JMJD1C: variants seen among roughly 807,000 people sequenced by gnomAD.
JMJD1C encodes the protein jumonji domain-containing protein 1C.
JMJD1C carries 31 observed loss-of-function variants against 245.3 expected under a neutral mutation model. That is an observed-to-expected ratio of 0.13 (90% CI 0.09 to 0.17). JMJD1C has a LOEUF of 0.17. Ranked by LOEUF, JMJD1C falls within the 10% of genes least tolerant of loss-of-function variation. The probability of loss-of-function intolerance (pLI) is 1.00; values close to 1 mark genes in which losing one functional copy is unlikely to be tolerated. For synonymous variants in JMJD1C, 1,057 were observed against 1,017.4 expected (o/e 1.04, Z -0.74); for missense variants, 2,691 against 3,000.2 (o/e 0.90, Z 2.41).
At chr10:63,237,893 A>G (rs1032231502) in intron 3 of JMJD1C, among the ~76,000 whole-genome samples, 8 of 151,268 alleles carry the variant, frequency 5.3e-5, no homozygotes, top group African/African-American at 1.7e-4. Flanking sequence ...AAAGGCGGCC[A>G]GGCACAGTGG....
chr10:63,494,477 T>A (rs554970419), intron 1 of JMJD1C, among the ~76,000 whole-genome samples: 3 of 152,184 alleles, frequency 2.0e-5, no homozygotes, highest in African/African-American at 4.8e-5. Flanking sequence ...AACTTCTTTT[T>A]ATATTATGGG....
intron 1 of JMJD1C, among the ~76,000 whole-genome samples, chr10:63,472,779 A>G (rs10733792): frequency 0.42 from 64,016 of 152,018 alleles, 14,212 homozygotes; most frequent in South Asian, 0.53. Context: ...TTATAATTCA[A>G]TTTTTATTTA....
At chr10:63,423,436 ATAGT>A (rs1950247675) in intron 1 of JMJD1C, among the ~76,000 whole-genome samples, 1 of 152,160 alleles carries the variant, frequency 6.6e-6, no homozygotes, top group African/African-American at 2.4e-5. Flanking sequence ...CTTACTTCAC[ATAGT>A]ATAGTGTTTT....
intron 1 of JMJD1C, among the ~76,000 whole-genome samples, chr10:63,416,555 T>C (rs1949818915): frequency 6.6e-6 from 1 of 152,214 alleles, no homozygotes; most frequent in African/African-American, 2.4e-5. Context: ...AACTGTCTTT[T>C]TGGCTGATCA....
At chr10:63,174,229 T>C (rs1265554608) in intron 24 of JMJD1C, among the ~76,000 whole-genome samples, 6 of 152,188 alleles carry the variant, frequency 3.9e-5, no homozygotes, top group Non-Finnish European at 8.8e-5. Flanking sequence ...CATAAAACCA[T>C]GTATATGAAT....
chr10:63,417,955 A>C (rs1261141901), intron 1 of JMJD1C, among the ~76,000 whole-genome samples: 1 of 152,182 alleles, frequency 6.6e-6, no homozygotes. Context: ...AAACCTAATG[A>C]CTTTATAGAG....
exon 1 of JMJD1C, chr10:63,521,792 G>T (rs1423772602): frequency 6.3e-6 from 2 of 318,522 alleles, no homozygotes; most frequent in Non-Finnish European, 5.7e-6. Context: ...TAGCTGCGGC[G>T]ACTGCGGCTG....
chr10:63,332,238 A>C (rs1056790933), intron 2 of JMJD1C, among the ~76,000 whole-genome samples: 1 of 152,234 alleles, frequency 6.6e-6, no homozygotes, highest in Non-Finnish European at 1.5e-5. Context: ...AGCTTATATA[A>C]GTAAAGTAAG....
intron 3 of JMJD1C, among the ~76,000 whole-genome samples, chr10:63,249,533 T>C (rs1589282107): frequency 6.6e-6 from 1 of 151,870 alleles, no homozygotes; most frequent in Admixed American, 6.6e-5. Flanking sequence ...TCCAAATAGG[T>C]GGAAGAGAAT....
intron 1 of JMJD1C, among the ~76,000 whole-genome samples, chr10:63,518,791 T>G (rs1339507783): frequency 1.3e-5 from 2 of 152,230 alleles, no homozygotes; most frequent in Non-Finnish European, 2.9e-5. Flanking sequence ...AGTTGTTAGC[T>G]CCAATCATTA....
At chr10:63,169,779 TAC>T (rs1405112687) in intron 24 of JMJD1C, among the ~76,000 whole-genome samples, 1 of 152,206 alleles carries the variant, frequency 6.6e-6, no homozygotes, top group Non-Finnish European at 1.5e-5. Flanking sequence ...AGCATTTCTG[TAC>T]AGTCTCACTG....
chr10:63,519,919 G>C (rs1456271322), intron 1 of JMJD1C, among the ~76,000 whole-genome samples: 2 of 152,162 alleles, frequency 1.3e-5, no homozygotes, highest in Non-Finnish European at 2.9e-5. Context: ...TTGAACAAGA[G>C]AGTTCGCCAA....
intron 1 of JMJD1C, among the ~76,000 whole-genome samples, chr10:63,513,053 T>C (rs1001800596): frequency 2.0e-5 from 3 of 152,220 alleles, no homozygotes; most frequent in Admixed American, 6.5e-5. Flanking sequence ...TCTCTCTGCT[T>C]ACATTATCCA....
intron 3 of JMJD1C, among the ~76,000 whole-genome samples, chr10:63,260,305 G>A (rs1324013378): frequency 6.6e-6 from 1 of 152,150 alleles, no homozygotes; most frequent in Non-Finnish European, 1.5e-5. Flanking sequence ...AGGTTAGTTG[G>A]TATGAATCAT....
chr10:63,192,787 G>A lies in JMJD1C; in HGVS notation c.6076+151C>T, dbSNP rs996856685. ...AGTTCCTAATAAGTGAAGACAAAAT[G>A]TTTTACATTGAACCTAACCCATAAT... On this transcript the variant is annotated intron_variant, in intron 16 of 25. Transcript: ENST00000399262. 2.2e-5 allele frequency: 14 copies of A among 647,830 alleles called. No individual in the cohort carries two copies. The African/African-American group carries it at 2.6e-4, about 12-fold the overall frequency. 40.1% of individuals were successfully genotyped at this position (647,830 alleles called of 1,614,324 possible).
intron 2 of JMJD1C, among the ~76,000 whole-genome samples, chr10:63,311,200 G>A (rs1364940151): frequency 1.4e-5 from 2 of 147,332 alleles, no homozygotes; most frequent in Non-Finnish European, 3.0e-5. Flanking sequence ...ATGAAACCCC[G>A]GCTCTATTAA....
chr10:63,486,169 CAA>C (rs1554951247), intron 1 of JMJD1C, among the ~76,000 whole-genome samples: 1,575 of 36,560 alleles, frequency 0.043, 38 homozygotes, highest in African/African-American at 0.074. Flanking sequence ...AAAAAAAAAA[CAA>C]AAAACAGAAA....
chr10:63,229,350 G>C (rs775069797), intron 3 of JMJD1C, among the ~76,000 whole-genome samples: 1 of 151,916 alleles, frequency 6.6e-6, no homozygotes, highest in Non-Finnish European at 1.5e-5. Context: ...TATACATAAA[G>C]ATTCGGATGG....
chr10:63,292,819 CGGATCGCCTGAGGTCA>C (rs1858939004), intron 2 of JMJD1C, among the ~76,000 whole-genome samples: 1 of 151,804 alleles, frequency 6.6e-6, no homozygotes, highest in Non-Finnish European at 1.5e-5. Flanking sequence ...CTGAAGTGGG[CGGATCGCCTGAGGTCA>C]GGAGTTAGAG....
Sources: gnomAD v4.1 joint callset for allele counts (sites outside exome capture counted in the v4.1 genomes callset) on GRCh38, gnomAD v4.1.1 for gene constraint, MANE v1.5 for transcripts, NCBI Gene and HGNC (gene_info 2026-07-23, HGNC 2026-07-21) for gene names.